Variants in LDLRAD4 observed in about 807,000 individuals in gnomAD.
LDLRAD4 encodes the protein low density lipoprotein receptor class A domain containing 4.
LDLRAD4 carries 5 observed loss-of-function variants against 17.0 expected under a neutral mutation model. The ratio of observed to expected loss-of-function variants is 0.29; its 90% CI spans 0.15 to 0.62. LDLRAD4 has a LOEUF of 0.62. Ranked by LOEUF, LDLRAD4 falls within the 20% of genes least tolerant of loss-of-function variation. The probability of loss-of-function intolerance (pLI) is 0.84; values close to 1 mark genes in which losing one functional copy is unlikely to be tolerated. For missense variants in LDLRAD4, 340 were observed against 424.7 expected, an observed-to-expected ratio of 0.80 and a Z score of 1.75; for synonymous variants, 168 against 171.8, an observed-to-expected ratio of 0.98 and a Z score of 0.17.
In LDLRAD4 at chr18:13,320,696, G is replaced by T. The variant is rs996725188; in HGVS notation, c.-383+42508G>T. Reference sequence around the variant, plus strand: ...CCAACAGTGAGGCTCAGCACAGGCTGTGGGAATCCCGCTGCCAGGTGCAAT... The same window carrying T: ...CCAACAGTGAGGCTCAGCACAGGCTTTGGGAATCCCGCTGCCAGGTGCAAT... On this transcript the variant is annotated intron_variant, in intron 1 of 5. Transcript: ENST00000359446. 4.6e-5 allele frequency among the ~76,000 whole-genome samples: 7 copies of T among 152,358 alleles called. No individual in the cohort carries two copies. The East Asian group carries it at 5.8e-4, about 13-fold the overall frequency.
intron 3 of LDLRAD4, among the ~76,000 whole-genome samples, chr18:13,466,098 G>A (rs1457934596): frequency 6.6e-6 from 1 of 152,150 alleles, no homozygotes; most frequent in African/African-American, 2.4e-5. Context: ...TTAAAATGGT[G>A]CTCCGAGCAT....
At chr18:13,472,965 CA>C (rs1416220926) in intron 3 of LDLRAD4, among the ~76,000 whole-genome samples, 1 of 152,156 alleles carries the variant, frequency 6.6e-6, no homozygotes, top group Non-Finnish European at 1.5e-5. Flanking sequence ...CTCATCATCT[CA>C]GTATGTCATT....
chr18:13,612,387 A>ACGGC, intron 3 of LDLRAD4: 7 of 1,188,044 alleles, frequency 5.9e-6, no homozygotes, highest in Non-Finnish European at 7.4e-6. Context: ...GCTCGGTGAC[A>ACGGC]CGGCCGGCTT....
chr18:13,359,528 C>T (rs540091736), intron 1 of LDLRAD4, among the ~76,000 whole-genome samples: 1 of 152,202 alleles, frequency 6.6e-6, no homozygotes, highest in Non-Finnish European at 1.5e-5. Context: ...AAAAAAAAGC[C>T]ATGTTCTTAC....
At chr18:13,405,218 T>C (rs1424900155) in intron 2 of LDLRAD4, among the ~76,000 whole-genome samples, 5 of 152,170 alleles carry the variant, frequency 3.3e-5, no homozygotes, top group Non-Finnish European at 7.3e-5. Flanking sequence ...ATATAGCATC[T>C]CTTTAGTCTC....
chr18:13,522,909 G>A (rs893173939), intron 3 of LDLRAD4: 1 of 152,096 alleles, frequency 6.6e-6, no homozygotes, highest in African/African-American at 2.4e-5. Flanking sequence ...ATGCATTTAC[G>A]AGGTGCTGAG....
intron 1 of LDLRAD4, among the ~76,000 whole-genome samples, chr18:13,318,643 A>T (rs988379945): frequency 2.6e-5 from 4 of 152,222 alleles, no homozygotes; most frequent in Non-Finnish European, 4.4e-5. Flanking sequence ...ACTGGATGAC[A>T]AATGGAAAGC....
At chr18:13,594,409 G>T (rs946829513) in intron 3 of LDLRAD4, among the ~76,000 whole-genome samples, 7 of 152,032 alleles carry the variant, frequency 4.6e-5, no homozygotes, top group African/African-American at 1.7e-4. Flanking sequence ...ACTAGTGAGG[G>T]GTCGGGTGTG....
chr18:13,578,717 C>G (rs1218962586), intron 3 of LDLRAD4, among the ~76,000 whole-genome samples: 2 of 150,488 alleles, frequency 1.3e-5, no homozygotes, highest in African/African-American at 2.5e-5. Context: ...TAGCTTGGAG[C>G]AACTTTTGTT....
At chr18:13,277,144 G>C (rs2044927247), upstream of LDLRAD4, among the ~76,000 whole-genome samples, 1 of 152,202 alleles carries the variant, frequency 6.6e-6, no homozygotes. Flanking sequence ...GTGCAGCCGT[G>C]TTTTATCCGG....
intron 4 of LDLRAD4, among the ~76,000 whole-genome samples, chr18:13,624,100 C>T (rs978819089): frequency 6.6e-6 from 1 of 152,144 alleles, no homozygotes; most frequent in Non-Finnish European, 1.5e-5. Flanking sequence ...CAGGCAGTCC[C>T]GCAACAAAGA....
At chr18:13,225,935 T>C (rs1346797620) in intron 1 of LDLRAD4, among the ~76,000 whole-genome samples, 2 of 152,176 alleles carry the variant, frequency 1.3e-5, no homozygotes, top group Non-Finnish European at 2.9e-5. Flanking sequence ...TTTTAGGACA[T>C]TGAGGCTGTT....
chr18:13,522,440 C>T (rs1489958712), intron 3 of LDLRAD4: 1 of 151,826 alleles, frequency 6.6e-6, no homozygotes, highest in Non-Finnish European at 1.5e-5. Flanking sequence ...TATCTTTCCC[C>T]TGCAGGTCCT....
At position 13,440,412 on chromosome 18, in the gene LDLRAD4, G is replaced by A. The variant is rs907761329; in HGVS notation, c.181+2028G>A. Among the ~76,000 whole-genome samples, 1 of 152,182 alleles carries A rather than the reference G, an allele frequency of 6.6e-6. No individual in the cohort carries two copies. The highest frequency in any genetic ancestry group is 1.5e-5 in the Non-Finnish European group (1 of 68,034). ...CGAGGGAGCAGTTACATCCATCAGT[G>A]GCTCAACTTTGCCCTAACAGAGGAG... On this transcript the variant is annotated intron_variant, in intron 3 of 5. Transcript: ENST00000359446. This position sits in a 1 kb window ranked among gnomAD's most constrained non-coding sequence, Gnocchi z 4.4.
intron 3 of LDLRAD4, among the ~76,000 whole-genome samples, chr18:13,442,734 G>C (rs1319167110): frequency 6.6e-6 from 1 of 152,178 alleles, no homozygotes; most frequent in Non-Finnish European, 1.5e-5. Flanking sequence ...ATCTTAGTGG[G>C]GGACAGCAGC....
intron 3 of LDLRAD4, among the ~76,000 whole-genome samples, chr18:13,452,617 G>A (rs2091906366): frequency 6.6e-6 from 1 of 152,208 alleles, no homozygotes; most frequent in African/African-American, 2.4e-5. Context: ...TGGGGCTGGG[G>A]AGTTGGAAAA....
intron 2 of LDLRAD4, among the ~76,000 whole-genome samples, chr18:13,430,151 GTGCTTCCCATT>G: frequency 6.6e-6 from 1 of 152,308 alleles, no homozygotes; most frequent in South Asian, 2.1e-4. Flanking sequence ...AGGCACTCTT[GTGCTTCCCATT>G]TTGGGGCCCA....
At chr18:13,485,441 C>A (rs2093199286) in intron 3 of LDLRAD4, among the ~76,000 whole-genome samples, 1 of 152,220 alleles carries the variant, frequency 6.6e-6, no homozygotes, top group African/African-American at 2.4e-5. Context: ...GGCATGATGA[C>A]CCTGTCTGCT....
intron 1 of LDLRAD4, among the ~76,000 whole-genome samples, chr18:13,357,227 C>T (rs2083398049): frequency 6.6e-6 from 1 of 152,076 alleles, no homozygotes; most frequent in African/African-American, 2.4e-5. Flanking sequence ...TCTCTACTTC[C>T]TTATTTTCCT....
Sources: gnomAD v4.1 joint callset for allele counts (sites outside exome capture counted in the v4.1 genomes callset) on GRCh38, gnomAD v4.1.1 for gene constraint, Gnocchi (gnomAD v3.1) non-coding constraint, MANE v1.5 for transcripts, NCBI Gene and HGNC (gene_info 2026-07-23, HGNC 2026-07-21) for gene names.